The following PCDHA4 variants were observed in gnomAD, a reference collection of about 807,000 sequenced individuals.
PCDHA4 encodes protocadherin alpha-4.
Under a neutral mutation model 61.4 loss-of-function variants are expected in PCDHA4, and 49 were observed. The ratio of observed to expected loss-of-function variants is 0.80; its 90% confidence interval spans 0.63 to 1.01. The LOEUF is 1.01. Among genes scored for constraint, PCDHA4 ranks in the 50% least tolerant of loss-of-function variants. PCDHA4 has a pLI of 0.00. For missense variants in PCDHA4, 1,254 were observed against 1,235.8 expected, an observed-to-expected ratio of 1.01 and a Z score of -0.22; for synonymous variants, 590 against 550.3, an observed-to-expected ratio of 1.07 and a Z score of -1.01.
intron 3 of PCDHA4, among the ~76,000 whole-genome samples, chr5:141,006,816 G>C (rs1554260932): frequency 6.6e-6 from 1 of 152,082 alleles, no homozygotes; most frequent in African/African-American, 2.4e-5. Flanking sequence ...TGAGAAATGG[G>C]GTAAATGGGG....
rs2150380022 is a variant in PCDHA4, at chr5:140,845,577, T to A, written c.2385+36005T>A. 1.2e-4 allele frequency among the ~76,000 whole-genome samples: 18 copies of A among 149,706 alleles called. 1 individual carries two copies. The highest frequency in any genetic ancestry group is 6.9e-3 in the Middle Eastern group (2 of 290). On this transcript the variant is annotated intron_variant, in intron 1 of 3. Transcript: ENST00000530339. The stretch of plus-strand genomic sequence containing the variant: ...TTTTAGCTATTAAGAATTTCTGGGA[T>A]TGAAATGTGTCAGAAGTTAGTTATT...
chr5:140,882,133 G>A, intron 1 of PCDHA4: 1 of 1,483,612 alleles, frequency 6.7e-7, no homozygotes, highest in Non-Finnish European at 9.0e-7. Flanking sequence ...TCTTCCTGCA[G>A]AAAATATAGC....
chr5:140,931,086 A>G (rs2087290662), intron 1 of PCDHA4, among the ~76,000 whole-genome samples: 1 of 152,204 alleles, frequency 6.6e-6, no homozygotes, highest in Non-Finnish European at 1.5e-5. Context: ...CCAGTTCTAC[A>G]GATGACAAAG....
chr5:140,857,481 C>G (rs1554150087), intron 1 of PCDHA4: 1 of 1,598,530 alleles, frequency 6.3e-7, no homozygotes, highest in Non-Finnish European at 8.6e-7. Flanking sequence ...ACGGTGTCTG[C>G]GTGGGACGCG....
chr5:140,928,790 G>GGGT, intron 1 of PCDHA4: 2 of 1,614,176 alleles, frequency 1.2e-6, no homozygotes, highest in Non-Finnish European at 1.7e-6. Context: ...GTTAAGCAGA[G>GGGT]GGTGGTGGTA....
intron 1 of PCDHA4, among the ~76,000 whole-genome samples, chr5:140,881,751 A>G (rs974973794): frequency 6.6e-6 from 1 of 152,206 alleles, no homozygotes; most frequent in Non-Finnish European, 1.5e-5. Flanking sequence ...GGACAGTACC[A>G]CAAAAACCTA....
chr5:140,839,264 A>G (rs1213155115), intron 1 of PCDHA4, among the ~76,000 whole-genome samples: 2 of 152,102 alleles, frequency 1.3e-5, no homozygotes, highest in African/African-American at 4.8e-5. Context: ...ACATGCATGT[A>G]TATTTAAAAC....
At chr5:140,830,820 G>C (rs1771259303) in intron 1 of PCDHA4, 2 of 156,158 alleles carry the variant, frequency 1.3e-5, no homozygotes, top group African/African-American at 4.8e-5. Flanking sequence ...GTTTGCCTTT[G>C]AGCTTTAGGA....
intron 3 of PCDHA4, among the ~76,000 whole-genome samples, chr5:140,993,514 A>T (rs1239398977): frequency 6.6e-6 from 1 of 150,498 alleles, no homozygotes; most frequent in East Asian, 1.9e-4. Flanking sequence ...ACACACGGGG[A>T]GAGAGAGACA....
intron 1 of PCDHA4, chr5:140,825,410 T>C (rs1554130230): frequency 6.8e-6 from 1 of 146,528 alleles, no homozygotes; most frequent in Non-Finnish European, 1.5e-5. Flanking sequence ...TTATATATTT[T>C]ATATAATATA....
intron 1 of PCDHA4, chr5:140,850,087 T>A (rs2150466351): frequency 6.3e-7 from 1 of 1,596,398 alleles, no homozygotes; most frequent in East Asian, 2.2e-5. Context: ...CTGGAGCTGC[T>A]ACAGTTCCAG....
In PCDHA4 at chr5:140,849,922, C is replaced by T. The variant is rs140735832; in HGVS notation, c.2385+40350C>T. 4.3e-5 allele frequency: 69 copies of T among 1,598,214 alleles called. 4 individuals carry two copies. Among genetic ancestry groups the T allele is most frequent in the Middle Eastern group, 1.7e-4 (1 of 5,782 alleles). On this transcript the variant is annotated intron_variant, in intron 1 of 3. Transcript: ENST00000530339. The stretch of plus-strand genomic sequence containing the variant: ...AACCCGCCGGGCTGCCACATCTTCA[C>T]GGTGTCTGCGCGGGACGCTGACGCG...
Position 141,005,701 on chromosome 5 carries a change from C to CAAA in PCDHA4, c.2534-3898_2534-3896dup, listed in dbSNP as rs59860837. ...TGGGCGACAGAGCGAAACTCCGTCTCAAAAAAAAAAAAAAAAAAAAAAAAA... is the reference window on the plus strand; with the variant it reads ...TGGGCGACAGAGCGAAACTCCGTCTCAAAAAAAAAAAAAAAAAAAAAAAAAAAA... On this transcript the variant is annotated intron_variant, in intron 3 of 3. Transcript: ENST00000530339. Among the ~76,000 whole-genome samples the CAAA allele has an allele frequency of 9.1e-3, 71 of 7,774 alleles. 6 individuals are homozygous for CAAA. Among genetic ancestry groups the CAAA allele is most frequent in the Non-Finnish European group, 0.012 (43 of 3,684 alleles). 5.1% of individuals were successfully genotyped at this position (7,774 alleles called of 152,430 possible).
At chr5:140,873,310 G>A (rs2054217209) in intron 1 of PCDHA4, among the ~76,000 whole-genome samples, 1 of 152,176 alleles carries the variant, frequency 6.6e-6, no homozygotes, top group Admixed American at 6.6e-5. Context: ...TAATAAAGGT[G>A]AATATTAGAT....
In PCDHA4 at chr5:140,808,154, A is replaced by T; in HGVS notation, c.967A>T (p.Ile323Phe). 1.2e-6 allele frequency: 2 copies of T among 1,614,220 alleles called. No individual in the cohort carries two copies. Among genetic ancestry groups the T allele is most frequent in the South Asian group, 2.2e-5 (2 of 91,088 alleles). The change falls in exon 1 of 4, where the codon ATT (isoleucine) becomes TTT (phenylalanine). Residue 323 changes from isoleucine to phenylalanine, a missense_variant. By Grantham distance (21) the Ile-to-Phe change is conservative (BLOSUM62 0). Coordinates refer to ENST00000530339, the MANE Select transcript of PCDHA4 (RefSeq NM_018907.4). The stretch of plus-strand genomic sequence containing the variant: ...ATCCTATGAAATTATTGTAGAGGGC[A>T]TTGATAAGGGACAGCTCCCACTTTC... Reference protein sequence around the residue: ...SKSYEIIVEGIDKGQLPLSGH... With the variant: ...SKSYEIIVEGFDKGQLPLSGH...
At chr5:140,987,211 C>T (rs1190567678) in intron 3 of PCDHA4, among the ~76,000 whole-genome samples, 2 of 145,072 alleles carry the variant, frequency 1.4e-5, no homozygotes, top group Non-Finnish European at 3.0e-5. Flanking sequence ...GAGACTCCAT[C>T]TCAAAAAAAA....
At chr5:140,882,607 T>C (rs1313419888) in intron 1 of PCDHA4, 35 of 1,614,242 alleles carry the variant, frequency 2.2e-5, no homozygotes, top group Non-Finnish European at 3.0e-5. Flanking sequence ...TGGACAGGCC[T>C]CTGCAGGTTT....
chr5:140,966,984 G>C lies in PCDHA4; in HGVS notation c.2386-11965G>C, dbSNP rs1217682338. ...CTGGGGCTTGAGCTGCGGCGCTTGGGGCCGGGTTGCTTGCGCATCAACCAT... is the reference window on the plus strand; with the variant it reads ...CTGGGGCTTGAGCTGCGGCGCTTGGCGCCGGGTTGCTTGCGCATCAACCAT... On this transcript the variant is annotated intron_variant, in intron 1 of 3. Transcript: ENST00000530339. 21 of 1,603,802 alleles carry C rather than the reference G, an allele frequency of 1.3e-5. No homozygotes were observed. The East Asian group carries it at 4.5e-4, about 34-fold the overall frequency.
At chr5:140,927,399 TC>T (rs781939330) in intron 1 of PCDHA4, 1 of 1,614,076 alleles carries the variant, frequency 6.2e-7, no homozygotes. Context: ...GTCAGCACTT[TC>T]GCCTGGACAT....
Sources: allele counts gnomAD v4.1 joint callset (sites outside exome capture counted in the v4.1 genomes callset), GRCh38; gene constraint gnomAD v4.1.1; transcripts MANE v1.5; gene names NCBI Gene and HGNC (gene_info 2026-07-23, HGNC 2026-07-21).